RGS3: variants seen among roughly 807,000 people sequenced by gnomAD.
RGS3 encodes regulator of G-protein signalling 3.
In RGS3, 80 loss-of-function variants were observed where a neutral mutation model predicts 132.6. The ratio of observed to expected loss-of-function variants is 0.60; its 90% confidence interval spans 0.50 to 0.73. The LOEUF is 0.73. Ranked by LOEUF, RGS3 falls within the 30% of genes least tolerant of loss-of-function variation. The probability of loss-of-function intolerance (pLI) is 0.00; values close to 1 mark genes in which losing one functional copy is unlikely to be tolerated. For missense variants in RGS3, 1,382 were observed against 1,530.8 expected, an observed-to-expected ratio of 0.90 and a Z score of 1.62; for synonymous variants, 598 against 620.6, an observed-to-expected ratio of 0.96 and a Z score of 0.54.
chr9:113,570,782 G>A (rs781228000), intron 19 of RGS3, among the ~76,000 whole-genome samples: 28 of 152,006 alleles, frequency 1.8e-4, no homozygotes, highest in Admixed American at 5.9e-4. Context: ...GATTACCGGC[G>A]CGTGCCACCA....
chr9:113,448,043 A>C (rs201657420), intron 1 of RGS3, among the ~76,000 whole-genome samples: 1 of 151,668 alleles, frequency 6.6e-6, no homozygotes, highest in East Asian at 1.9e-4. Flanking sequence ...TTTTTTGTAG[A>C]CATGGGGTTT....
intron 20 of RGS3, among the ~76,000 whole-genome samples, chr9:113,586,790 C>T (rs188218315): frequency 1.3e-4 from 20 of 152,340 alleles, no homozygotes; most frequent in Non-Finnish European, 1.9e-4. Flanking sequence ...TTGGGCAAGT[C>T]CCTGCCCCTC....
At chr9:113,482,967 G>A (rs1440403023) in intron 4 of RGS3, 92 bp from the exon 3 acceptor site, 2 of 1,604,958 alleles carry the variant, frequency 1.2e-6, no homozygotes, top group Non-Finnish European at 1.7e-6. Flanking sequence ...CTTTATTCGT[G>A]TGGATGGATA....
At chr9:113,543,951 T>C (rs577982691) in intron 19 of RGS3, among the ~76,000 whole-genome samples, 18 of 152,202 alleles carry the variant, frequency 1.2e-4, no homozygotes, top group Non-Finnish European at 2.1e-4. Context: ...ACAATTAATT[T>C]GGCTCCACAG....
intron 18 of RGS3, among the ~76,000 whole-genome samples, chr9:113,531,354 T>G (rs1832456015): frequency 6.6e-6 from 1 of 152,198 alleles, no homozygotes; most frequent in African/African-American, 2.4e-5. Context: ...AAACCTAGAT[T>G]TGAATCTTGG....
At chr9:113,492,598 G>A (rs917501599) in intron 7 of RGS3, among the ~76,000 whole-genome samples, 2 of 152,182 alleles carry the variant, frequency 1.3e-5, no homozygotes, top group Non-Finnish European at 2.9e-5. Context: ...CTCAGGGACT[G>A]GTAGTCAGAA....
intron 14 of RGS3, among the ~76,000 whole-genome samples, chr9:113,510,178 A>G (rs1831339678): frequency 6.6e-6 from 1 of 152,086 alleles, no homozygotes; most frequent in Non-Finnish European, 1.5e-5. Flanking sequence ...ATCGTTGAGA[A>G]CATACAATGT....
chr9:113,571,036 A>T (rs1251008159), intron 19 of RGS3, among the ~76,000 whole-genome samples: 2 of 152,254 alleles, frequency 1.3e-5, no homozygotes, highest in East Asian at 3.8e-4. Flanking sequence ...TCTTTTGATC[A>T]GCATTTTGAT....
At chr9:113,522,788 G>A in intron 16 of RGS3, 142 bp from the exon 15 acceptor site, 2 of 711,812 alleles carry the variant, frequency 2.8e-6, no homozygotes, top group Non-Finnish European at 2.6e-6. Flanking sequence ...GCTGTACTGA[G>A]CACTGCTCCT....
intron 19 of RGS3, among the ~76,000 whole-genome samples, chr9:113,558,507 G>GA (rs200457229): frequency 3.4e-5 from 5 of 148,506 alleles, no homozygotes; most frequent in African/African-American, 4.9e-5. Flanking sequence ...CCTTCCTAAA[G>GA]AAAAAAAAAA....
Position 113,507,231 on chromosome 9 carries a change from G to A in RGS3, c.1086-56G>A, listed in dbSNP as rs1478687715. ...TCTCTGCCCTGTGGGCCCTCACTCTGGCTGATACTGGCTTTCCCCAGGCTC... is the reference window on the plus strand; with the variant it reads ...TCTCTGCCCTGTGGGCCCTCACTCTAGCTGATACTGGCTTTCCCCAGGCTC... On this transcript the variant is annotated intron_variant, in intron 12 of 24. Coordinates refer to ENST00000350696, the Ensembl canonical transcript of RGS3. The surrounding 1 kb of genome is among the most constrained non-coding windows in gnomAD (Gnocchi z 5.0). 1.2e-5 allele frequency: 17 copies of A among 1,441,534 alleles called. No individual in the cohort carries two copies. Among genetic ancestry groups the A allele is most frequent in the Non-Finnish European group, 1.6e-5 (17 of 1,053,720 alleles). 89.3% of individuals were successfully genotyped at this position (1,441,534 alleles called of 1,614,324 possible).
intron 19 of RGS3, chr9:113,541,361 G>C (rs540256544): frequency 1.2e-5 from 19 of 1,613,732 alleles, no homozygotes; most frequent in Admixed American, 1.7e-5. Context: ...AGATGGGGCC[G>C]GTCAACTCAA....
chr9:113,596,169 T>C (rs974829903), intron 24 of RGS3, among the ~76,000 whole-genome samples: 5 of 152,222 alleles, frequency 3.3e-5, no homozygotes, highest in Admixed American at 6.5e-5. Flanking sequence ...ACCCCATCTC[T>C]ACTAAAATTA....
chr9:113,589,702 G>A (rs1835317292), intron 20 of RGS3, among the ~76,000 whole-genome samples: 1 of 152,168 alleles, frequency 6.6e-6, no homozygotes, highest in African/African-American at 2.4e-5. Flanking sequence ...TGCACTGAAG[G>A]GTGCCCTGAA....
chr9:113,555,219 C>T (rs1833520546), intron 19 of RGS3, among the ~76,000 whole-genome samples: 1 of 152,138 alleles, frequency 6.6e-6, no homozygotes, highest in Non-Finnish European at 1.5e-5. Context: ...GTAAACATCC[C>T]AAGGCCAACC....
At chr9:113,480,410 G>A (rs909599076) in intron 4 of RGS3, among the ~76,000 whole-genome samples, 2 of 137,060 alleles carry the variant, frequency 1.5e-5, no homozygotes, top group African/African-American at 5.5e-5. Context: ...AGTGAGCCAA[G>A]ATCATGCCAT....
Position 113,593,893 on chromosome 9 carries a change from AC to A in RGS3, c.3081-531del, listed in dbSNP as rs762061166. The A allele has an allele frequency of 1.3e-5, 18 of 1,357,648 alleles. No individual in the cohort carries two copies. In the East Asian group the frequency reaches 3.6e-4, roughly 27 times the overall value. 84.1% of individuals were successfully genotyped at this position (1,357,648 alleles called of 1,614,324 possible). A position where few individuals can be genotyped will look rare whatever the true frequency, so the allele number is the denominator to read the frequency against. ...TCAGCAATTTGCTGACTTGTCCCCC[AC>A]CCCCCACCACTGTCTCCCTGCTGCC... On this transcript the variant is annotated intron_variant, in intron 21 of 24. Coordinates refer to ENST00000350696, the Ensembl canonical transcript of RGS3.
chr9:113,482,363 T>C (rs1014921133), intron 4 of RGS3, among the ~76,000 whole-genome samples: 10 of 152,240 alleles, frequency 6.6e-5, no homozygotes, highest in African/African-American at 2.4e-4. Context: ...TTATTATCAC[T>C]AAACCATTAA....
At chr9:113,500,687 C>CTT (rs56957630) in intron 10 of RGS3, among the ~76,000 whole-genome samples, 2,243 of 136,016 alleles carry the variant, frequency 0.016, 68 homozygotes, top group African/African-American at 0.058. Context: ...AATAAATTGA[C>CTT]TTTTTTTTTT....
Sources: allele counts gnomAD v4.1 joint callset (sites outside exome capture counted in the v4.1 genomes callset), GRCh38; gene constraint gnomAD v4.1.1; non-coding constraint Gnocchi (gnomAD v3.1); transcripts MANE v1.5; gene names NCBI Gene and HGNC (gene_info 2026-07-23, HGNC 2026-07-21).